Variants in FSTL5 observed in about 807,000 individuals in gnomAD.
FSTL5 encodes the protein follistatin like 5.
FSTL5 carries 62 observed loss-of-function variants against 89.1 expected under a neutral mutation model. The ratio of observed to expected loss-of-function variants is 0.70; its 90% CI spans 0.57 to 0.86. The LOEUF (loss-of-function observed/expected upper bound fraction) is 0.86, where lower values mean the gene tolerates loss of function less well. Ranked by LOEUF, FSTL5 falls within the 40% of genes least tolerant of loss-of-function variation. The probability of loss-of-function intolerance (pLI) is 0.00; values close to 1 mark genes in which losing one functional copy is unlikely to be tolerated. For missense variants in FSTL5, 1,057 were observed against 1,001.6 expected, an observed-to-expected ratio of 1.06 and a Z score of -0.75; for synonymous variants, 383 against 346.2, an observed-to-expected ratio of 1.11 and a Z score of -1.18.
intron 3 of FSTL5, among the ~76,000 whole-genome samples, chr4:161,992,861 A>AAAAT (rs1553989495): frequency 1.3e-5 from 1 of 76,266 alleles, no homozygotes; most frequent in African/African-American, 5.4e-5. Flanking sequence ...AAAAAAAAAA[A>AAAAT]ATATATATAT....
chr4:161,855,930 T>C (rs927564785), intron 4 of FSTL5, among the ~76,000 whole-genome samples: 8 of 152,078 alleles, frequency 5.3e-5, no homozygotes, highest in Admixed American at 2.6e-4. Context: ...TCATCTAAAT[T>C]TGAAAAAGCA....
intron 12 of FSTL5, among the ~76,000 whole-genome samples, chr4:161,485,507 A>G (rs956560030): frequency 6.6e-6 from 1 of 152,214 alleles, no homozygotes; most frequent in African/African-American, 2.4e-5. Flanking sequence ...AGAGAGAGAT[A>G]ATATAGAACA....
intron 5 of FSTL5, among the ~76,000 whole-genome samples, chr4:161,775,144 C>T (rs1397832513): frequency 6.6e-6 from 1 of 152,016 alleles, no homozygotes; most frequent in Non-Finnish European, 1.5e-5. Flanking sequence ...AAATGAATAG[C>T]ATATTATAAA....
chr4:162,026,584 A>G (rs1403362329), intron 3 of FSTL5, among the ~76,000 whole-genome samples: 1 of 152,014 alleles, frequency 6.6e-6, no homozygotes, highest in African/African-American at 2.4e-5. Flanking sequence ...CTGGGATTAT[A>G]GGCGTGAGCT....
chr4:161,727,965 A>T (rs1411107274), intron 6 of FSTL5, among the ~76,000 whole-genome samples: 1 of 152,204 alleles, frequency 6.6e-6, no homozygotes, highest in Non-Finnish European at 1.5e-5. Context: ...CCCTGGCGAC[A>T]GAGCTAGACT....
intron 15 of FSTL5, among the ~76,000 whole-genome samples, chr4:161,421,417 T>G (rs1731987886): frequency 1.3e-5 from 2 of 152,260 alleles, no homozygotes; most frequent in Non-Finnish European, 2.9e-5. Flanking sequence ...TATTTCTTCT[T>G]CTAGTGTAAG....
intron 8 of FSTL5, among the ~76,000 whole-genome samples, chr4:161,573,142 G>A (rs1176759999): frequency 6.6e-6 from 1 of 152,148 alleles, no homozygotes; most frequent in Non-Finnish European, 1.5e-5. Context: ...AGGCGTGGTG[G>A]CCCACGCCTG....
intron 12 of FSTL5, among the ~76,000 whole-genome samples, chr4:161,488,978 G>A (rs1393298460): frequency 6.6e-6 from 1 of 151,950 alleles, no homozygotes; most frequent in Non-Finnish European, 1.5e-5. Context: ...TTCTTTACCT[G>A]AAAATCGAGA....
intron 4 of FSTL5, among the ~76,000 whole-genome samples, chr4:161,896,396 A>G (rs1733158443): frequency 6.6e-6 from 1 of 152,158 alleles, no homozygotes; most frequent in East Asian, 1.9e-4. Context: ...TCCTTAATTT[A>G]CCTACATCAA....
chr4:161,806,020 T>C (rs756954752), intron 4 of FSTL5, among the ~76,000 whole-genome samples: 4 of 152,226 alleles, frequency 2.6e-5, no homozygotes, highest in Non-Finnish European at 4.4e-5. Flanking sequence ...TTAAACTTTG[T>C]CATAGGTATG....
At chr4:162,008,987 A>C (rs1324167868) in intron 3 of FSTL5, among the ~76,000 whole-genome samples, 1 of 152,096 alleles carries the variant, frequency 6.6e-6, no homozygotes, top group Non-Finnish European at 1.5e-5. Context: ...ATAAAATGGA[A>C]GAAGAAATTT....
intron 6 of FSTL5, among the ~76,000 whole-genome samples, chr4:161,693,170 G>A (rs567449780): frequency 1.3e-5 from 2 of 152,238 alleles, no homozygotes; most frequent in Admixed American, 6.5e-5. Context: ...CCACTTGTTC[G>A]TGGTGTACAA....
chr4:161,936,688 C>T (rs958582815), intron 3 of FSTL5, among the ~76,000 whole-genome samples: 4 of 152,116 alleles, frequency 2.6e-5, no homozygotes, highest in African/African-American at 9.7e-5. Context: ...GCCAGATCCC[C>T]TCCCTTATGC....
intron 4 of FSTL5, among the ~76,000 whole-genome samples, chr4:161,790,792 TG>T (rs1729445539): frequency 6.6e-6 from 1 of 152,204 alleles, no homozygotes; most frequent in East Asian, 1.9e-4. Flanking sequence ...TGCCCACTTA[TG>T]AAGGTGCTCT....
chr4:161,986,550 T>G (rs1470485737), intron 3 of FSTL5, among the ~76,000 whole-genome samples: 1 of 152,188 alleles, frequency 6.6e-6, no homozygotes, highest in East Asian at 1.9e-4. Context: ...AAACTCTGTC[T>G]CAAAAAATAA....
chr4:161,506,753 T>C lies in FSTL5; in HGVS notation c.1339+3645A>G, dbSNP rs546148676. 4.6e-5 allele frequency among the ~76,000 whole-genome samples: 7 copies of C among 152,254 alleles called. No individual in the cohort carries two copies. In the South Asian group the frequency reaches 6.2e-4, roughly 14 times the overall value. On this transcript the variant is annotated intron_variant, in intron 11 of 15. Coordinates refer to ENST00000306100, the MANE Select transcript of FSTL5 (RefSeq NM_020116.5). Reference sequence around the variant, plus strand: ...TCTGTTTTCCCCCAACTGGATGACATTGGAAACCTTGTATTACAGATTATG... The same window carrying C: ...TCTGTTTTCCCCCAACTGGATGACACTGGAAACCTTGTATTACAGATTATG...
At chr4:161,397,891 T>C (rs1392822408) in intron 15 of FSTL5, among the ~76,000 whole-genome samples, 1 of 151,948 alleles carries the variant, frequency 6.6e-6, no homozygotes, top group African/African-American at 2.4e-5. Context: ...TAATGATCTA[T>C]AAACATCAGA....
chr4:161,815,130 A>G (rs1348464920), intron 4 of FSTL5, among the ~76,000 whole-genome samples: 1 of 152,048 alleles, frequency 6.6e-6, no homozygotes, highest in Non-Finnish European at 1.5e-5. Flanking sequence ...TTAAAATTCA[A>G]GGTTAACAAG....
chr4:161,674,705 T>C (rs1737238916), intron 6 of FSTL5, among the ~76,000 whole-genome samples: 1 of 152,178 alleles, frequency 6.6e-6, no homozygotes, highest in South Asian at 2.1e-4. Flanking sequence ...GTAGTGACCA[T>C]GCTAGGAGTT....
Sources: allele counts gnomAD v4.1 joint callset (sites outside exome capture counted in the v4.1 genomes callset), GRCh38; gene constraint gnomAD v4.1.1; transcripts MANE v1.5; gene names NCBI Gene and HGNC (gene_info 2026-07-23, HGNC 2026-07-21).